The following CMSS1 variants were observed in gnomAD, a reference collection of about 807,000 sequenced individuals.
CMSS1 encodes the protein protein CMSS1.
In CMSS1, 33 loss-of-function variants were observed where a neutral mutation model predicts 43.5. That is an observed-to-expected ratio of 0.76 (90% CI 0.57 to 1.01). The LOEUF (loss-of-function observed/expected upper bound fraction) is 1.01. CMSS1 is among the 50% of genes least tolerant of loss of function. The probability of loss-of-function intolerance (pLI) is 0.00; values close to 1 mark genes in which losing one functional copy is unlikely to be tolerated. For missense variants in CMSS1, 313 were observed against 326.4 expected, an observed-to-expected ratio of 0.96 and a Z score of 0.32; for synonymous variants, 115 against 117.2, an observed-to-expected ratio of 0.98 and a Z score of 0.12.
At position 99,850,774 on chromosome 3, in the gene CMSS1, T is replaced by A. The variant is rs200063315; in HGVS notation, c.64+32731T>A. ...AATTGTGTCTTGGTCTTGGTGAAAC[T>A]TTGTGGTCTGCGTTTGCAGTTCCTT... On this transcript the variant is annotated intron_variant, in intron 1 of 9. Coordinates refer to ENST00000421999, the MANE Select transcript of CMSS1 (RefSeq NM_032359.4). 1,119 of 1,614,212 alleles carry A rather than the reference T, an allele frequency of 6.9e-4. 1 individual carries two copies. Among genetic ancestry groups the A allele is most frequent in the Non-Finnish European group, 8.9e-4 (1,045 of 1,180,048 alleles).
rs529778383 is a variant in CMSS1 at position 100,004,137 on chromosome 3, G to C, written c.65-142836G>C. Among the ~76,000 whole-genome samples the C allele has an allele frequency of 3.3e-5, 5 of 152,214 alleles. No individual in the cohort carries two copies. The South Asian group carries it at 6.2e-4, about 19-fold the overall frequency. The stretch of plus-strand genomic sequence containing the variant: ...TGGCTTCCTGCATGATGCCTTCCTA[G>C]GGGATTTGCAAGGTAATTTTGACAT... On this transcript the variant is annotated intron_variant, in intron 1 of 9. Coordinates refer to ENST00000421999, the MANE Select transcript of CMSS1 (RefSeq NM_032359.4).
chr3:99,876,238 C>G (rs1705512874), intron 1 of CMSS1: 1 of 985,032 alleles, frequency 1.0e-6, no homozygotes, highest in Non-Finnish European at 1.2e-6. Flanking sequence ...ATAAGGCGCT[C>G]CGCGTGTGCG....
Position 100,171,859 on chromosome 3 carries a change from G to A in CMSS1, c.539G>A (p.Gly180Glu), listed in dbSNP as rs748780108. 48 of 1,613,800 alleles carry A rather than the reference G, an allele frequency of 3.0e-5. No individual in the cohort carries two copies. The highest frequency in any genetic ancestry group is 4.0e-5 in the Non-Finnish European group (47 of 1,179,922). ...ATTAGGTCGATGACAGCATTCAGAG[G>A]AGACGGCAAAGTTATAAAATTATTT... ...ELIRSMTAFR[G>E]DGKVIKLFAK... is the part of the protein sequence containing the mutation. Residue 180 changes from glycine (G) to glutamate (E), a missense_variant, in exon 7 of 10, where the codon GGA becomes GAA. By Grantham distance (98) the Gly-to-Glu change is moderately conservative (BLOSUM62 -2). Coordinates refer to ENST00000421999, the MANE Select transcript of CMSS1 (RefSeq NM_032359.4).
At chr3:99,831,478 G>A (rs1431998906) in intron 1 of CMSS1, among the ~76,000 whole-genome samples, 2 of 152,124 alleles carry the variant, frequency 1.3e-5, no homozygotes, top group South Asian at 4.1e-4. Context: ...TTTAAAAGAC[G>A]AAAAAGGAAG....
intron 8 of CMSS1, among the ~76,000 whole-genome samples, chr3:100,176,052 A>G (rs561036908): frequency 2.0e-5 from 3 of 152,282 alleles, no homozygotes; most frequent in African/African-American, 7.2e-5. Flanking sequence ...GCTTCATGAA[A>G]TGGATGCCTG....
At chr3:99,818,400 T>C (rs769151811) in intron 1 of CMSS1, among the ~76,000 whole-genome samples, 15 of 152,156 alleles carry the variant, frequency 9.9e-5, no homozygotes, top group Admixed American at 2.0e-4. Flanking sequence ...GAAGCAGGGG[T>C]TGCTGCTTCA....
rs551023679 is a variant in CMSS1 at position 100,157,122 on chromosome 3, G to A, written c.154-3308G>A. Among the ~76,000 whole-genome samples, 5 of 152,278 alleles carry A rather than the reference G, an allele frequency of 3.3e-5. No homozygotes were observed. The East Asian group carries it at 5.8e-4, about 18-fold the overall frequency. On this transcript the variant is annotated intron_variant, in intron 2 of 9. Transcript: ENST00000421999. ...ATTGAAAAATTGAATCTCTTGGGCTGATTCTCTGATTTTCTCACCACTTTT... is the reference window on the plus strand; with the variant it reads ...ATTGAAAAATTGAATCTCTTGGGCTAATTCTCTGATTTTCTCACCACTTTT...
At chr3:99,930,874 C>T (rs377205144) in intron 1 of CMSS1, 95 of 1,613,004 alleles carry the variant, frequency 5.9e-5, no homozygotes, top group Non-Finnish European at 7.0e-5. Flanking sequence ...CCTTGGGACA[C>T]GGAAGTATTA....
intron 1 of CMSS1, among the ~76,000 whole-genome samples, chr3:100,007,950 T>C (rs554764091): frequency 6.6e-6 from 1 of 152,128 alleles, no homozygotes; most frequent in Non-Finnish European, 1.5e-5. Flanking sequence ...ACTCCTAATT[T>C]TCTTGCAAAT....
intron 1 of CMSS1, among the ~76,000 whole-genome samples, chr3:99,938,985 C>T (rs1707777063): frequency 6.6e-6 from 1 of 152,068 alleles, no homozygotes; most frequent in Admixed American, 6.5e-5. Context: ...CTTTTTTCTC[C>T]CATTTTCAGT....
intron 1 of CMSS1, among the ~76,000 whole-genome samples, chr3:100,116,713 A>G (rs1312990683): frequency 6.6e-6 from 1 of 152,192 alleles, no homozygotes; most frequent in East Asian, 1.9e-4. Flanking sequence ...AACACCATAG[A>G]CATAATCTGG....
chr3:100,072,328 G>A (rs2065776737), intron 1 of CMSS1, among the ~76,000 whole-genome samples: 1 of 152,184 alleles, frequency 6.6e-6, no homozygotes, highest in Non-Finnish European at 1.5e-5. Flanking sequence ...AGTTCATTCT[G>A]TGCATTTCCA....
chr3:99,928,788 G>A (rs1352734193), intron 1 of CMSS1, among the ~76,000 whole-genome samples: 1 of 152,162 alleles, frequency 6.6e-6, no homozygotes, highest in East Asian at 1.9e-4. Context: ...TATGTTGGGA[G>A]CCAGGATACA....
intron 1 of CMSS1, among the ~76,000 whole-genome samples, chr3:99,855,956 C>A (rs192111368): frequency 6.6e-6 from 1 of 152,328 alleles, no homozygotes; most frequent in African/African-American, 2.4e-5. Flanking sequence ...CTAACGAAAT[C>A]TGTAAATACA....
intron 1 of CMSS1, among the ~76,000 whole-genome samples, chr3:100,012,975 A>G (rs1419336553): frequency 6.6e-6 from 1 of 151,642 alleles, no homozygotes; most frequent in Non-Finnish European, 1.5e-5. Flanking sequence ...TTATTTATTT[A>G]TTTGGAGAGA....
chr3:99,951,957 C>T lies in CMSS1; in HGVS notation c.64+133914C>T, dbSNP rs79670006. 2.6e-4 allele frequency among the ~76,000 whole-genome samples: 39 copies of T among 152,268 alleles called. No individual in the cohort carries two copies. The East Asian group carries it at 5.0e-3, about 20-fold the overall frequency. On this transcript the variant is annotated intron_variant, in intron 1 of 9. Coordinates refer to ENST00000421999, the MANE Select transcript of CMSS1 (RefSeq NM_032359.4). ...GGTTCTGAAGTAATAGTGAGAGAAC[C>T]TATAAGTAAGTCAATCTGCAAGAAT...
intron 1 of CMSS1, among the ~76,000 whole-genome samples, chr3:100,100,068 G>A (rs902415415): frequency 6.6e-6 from 1 of 152,158 alleles, no homozygotes; most frequent in African/African-American, 2.4e-5. Context: ...ACTGAGGAGT[G>A]GGCAAGTGTG....
intron 8 of CMSS1, among the ~76,000 whole-genome samples, chr3:100,174,933 T>G (rs77317515): frequency 0.016 from 2,400 of 152,260 alleles, 40 homozygotes; most frequent in Non-Finnish European, 0.026. Context: ...TTCCTTTGAG[T>G]CTTTTTTCTA....
chr3:100,169,181 C>A (rs1049196883), intron 6 of CMSS1, among the ~76,000 whole-genome samples: 5 of 152,068 alleles, frequency 3.3e-5, no homozygotes, highest in Admixed American at 1.3e-4. Context: ...AAGATAAATT[C>A]CAAATGGAAT....
Sources: allele counts gnomAD v4.1 joint callset (sites outside exome capture counted in the v4.1 genomes callset), GRCh38; gene constraint gnomAD v4.1.1; transcripts MANE v1.5; gene names NCBI Gene and HGNC (gene_info 2026-07-23, HGNC 2026-07-21).